The following RAB8B variants were observed in gnomAD, a reference collection of about 807,000 sequenced individuals.
The protein encoded by RAB8B is ras-related protein Rab-8B.
RAB8B carries 11 observed loss-of-function variants against 32.0 expected under a neutral mutation model. The ratio of observed to expected loss-of-function variants is 0.34; its 90% CI spans 0.22 to 0.57. RAB8B has a LOEUF of 0.57. RAB8B is among the 20% of genes least tolerant of loss of function. RAB8B has a pLI of 0.86. For missense variants in RAB8B, 190 were observed against 258.5 expected, an observed-to-expected ratio of 0.73 and a Z score of 1.82; for synonymous variants, 103 against 89.6, an observed-to-expected ratio of 1.15 and a Z score of -0.85.
In RAB8B at chr15:63,259,586, G is replaced by A; in HGVS notation, c.415-41G>A. The A allele has an allele frequency of 1.3e-6, 2 of 1,542,224 alleles. No homozygotes were observed. Among genetic ancestry groups the A allele is most frequent in the South Asian group, 1.1e-5 (1 of 89,300 alleles). ...AAATACAAATGCATTATGTGTTCAA[G>A]TATCTTTTGCTAAATTTAAATATTT... is the stretch of plus-strand genomic sequence containing the variant. On this transcript the variant is annotated intron_variant, in intron 5 of 7. Transcript: ENST00000321437. The surrounding 1 kb of genome is among the most constrained non-coding windows in gnomAD (Gnocchi z 4.4).
At chr15:63,211,343 T>A (rs182627467) in intron 1 of RAB8B, among the ~76,000 whole-genome samples, 5 of 152,316 alleles carry the variant, frequency 3.3e-5, no homozygotes, top group Non-Finnish European at 7.4e-5. Flanking sequence ...TGTCCCTTTC[T>A]GAGTTGGGAG....
intron 1 of RAB8B, among the ~76,000 whole-genome samples, chr15:63,239,033 T>A (rs1242233989): frequency 6.6e-6 from 1 of 152,086 alleles, no homozygotes; most frequent in Non-Finnish European, 1.5e-5. Flanking sequence ...AGTGTGAAAT[T>A]GATACTCCCT....
rs561440962 is a variant in RAB8B, at chr15:63,246,471, A to G, written c.185+1655A>G. On this transcript the variant is annotated intron_variant, in intron 2 of 7. Transcript: ENST00000321437. ...GGAAACACTTTATTTATGTTTACCC[A>G]TTTATTATAAAGGATATTGCAAAGA... Among the ~76,000 whole-genome samples the G allele has an allele frequency of 3.6e-4, 55 of 151,726 alleles. No homozygotes were observed. In the South Asian group the frequency reaches 0.011, roughly 31 times the overall value.
At chr15:63,254,323 C>A (rs2038142706) in intron 3 of RAB8B, among the ~76,000 whole-genome samples, 1 of 152,140 alleles carries the variant, frequency 6.6e-6, no homozygotes, top group Non-Finnish European at 1.5e-5. Flanking sequence ...AGCATATGAG[C>A]TCCCCATGCA....
Position 63,259,824 on chromosome 15 carries a change from C to T in RAB8B, c.480+132C>T. The T allele has an allele frequency of 1.4e-6, 1 of 738,778 alleles. No homozygotes were observed. The highest frequency in any genetic ancestry group is 1.8e-5 in the South Asian group (1 of 55,372). The allele number at this position is 738,778 out of a possible 1,614,324, so 45.8% of individuals were successfully genotyped here. ...TTTGTTGACCCAACTCTACTTTGTA[C>T]ACTTTTGTGCTTCTGATTTTTTTTT... On this transcript the variant is annotated intron_variant, in intron 6 of 7. Transcript: ENST00000321437. The surrounding 1 kb of genome is among the most constrained non-coding windows in gnomAD (Gnocchi z 4.4).
At chr15:63,196,718 A>T (rs2037602814) in intron 1 of RAB8B, among the ~76,000 whole-genome samples, 1 of 152,250 alleles carries the variant, frequency 6.6e-6, no homozygotes, top group South Asian at 2.1e-4. Context: ...ATTAGATGAT[A>T]TTTGAGTTAA....
intron 6 of RAB8B, among the ~76,000 whole-genome samples, chr15:63,261,210 A>T (rs899522167): frequency 6.6e-6 from 1 of 152,234 alleles, no homozygotes; most frequent in South Asian, 2.1e-4. Flanking sequence ...TGCATATCAA[A>T]AGTACAGTGA....
intron 6 of RAB8B, 50 bp from the exon 7 acceptor site, chr15:63,262,642 C>T (rs915994594): frequency 4.7e-5 from 23 of 489,686 alleles, no homozygotes; most frequent in Admixed American, 2.0e-4. Context: ...TATATATATA[C>T]ATATATATAG....
chr15:63,227,086 G>A (rs763016109), intron 1 of RAB8B, among the ~76,000 whole-genome samples: 22 of 152,144 alleles, frequency 1.4e-4, no homozygotes, highest in Non-Finnish European at 2.8e-4. Context: ...AGGGCAAACT[G>A]TTTTATCAGC....
intron 1 of RAB8B, among the ~76,000 whole-genome samples, chr15:63,236,576 T>C (rs1455754602): frequency 1.3e-5 from 2 of 152,124 alleles, no homozygotes; most frequent in African/African-American, 4.8e-5. Context: ...CAAAAAATGA[T>C]GTTCTCAAAA....
At chr15:63,261,281 G>A (rs1220077319) in intron 6 of RAB8B, among the ~76,000 whole-genome samples, 1 of 152,098 alleles carries the variant, frequency 6.6e-6, no homozygotes, top group Admixed American at 6.5e-5. Context: ...AACAAATGCT[G>A]GAAAGGATGT....
chr15:63,248,633 C>G lies in RAB8B; in HGVS notation c.186-1012C>G, dbSNP rs1005976613. 1.3e-5 allele frequency among the ~76,000 whole-genome samples: 2 copies of G among 152,214 alleles called. No homozygotes were observed. The highest frequency in any genetic ancestry group is 4.8e-5 in the African/African-American group (2 of 41,464). The stretch of plus-strand genomic sequence containing the variant: ...CAGAACTTGGATGCTGGTAACACCC[C>G]CAGCCAGTAGCCCACCCTAATGGGC... On this transcript the variant is annotated intron_variant, in intron 2 of 7. Coordinates refer to ENST00000321437, the MANE Select transcript of RAB8B (RefSeq NM_016530.3). The surrounding 1 kb of genome is among the most constrained non-coding windows in gnomAD (Gnocchi z 4.4).
At chr15:63,204,565 C>T (rs1218725775) in intron 1 of RAB8B, among the ~76,000 whole-genome samples, 1 of 152,148 alleles carries the variant, frequency 6.6e-6, no homozygotes, top group African/African-American at 2.4e-5. Context: ...AGTGAAATCT[C>T]CTGAATTTTA....
At chr15:63,246,086 T>G (rs1348647003) in intron 2 of RAB8B, among the ~76,000 whole-genome samples, 1 of 152,206 alleles carries the variant, frequency 6.6e-6, no homozygotes, top group African/African-American at 2.4e-5. Context: ...GTTAGCCAGC[T>G]GGTCTTGAAC....
rs561925538 is a variant in RAB8B, at chr15:63,192,549, G to A, written c.124+2801G>A. 9.8e-5 allele frequency among the ~76,000 whole-genome samples: 15 copies of A among 152,310 alleles called. No individual in the cohort carries two copies. The East Asian group carries it at 2.9e-3, about 29-fold the overall frequency. On this transcript the variant is annotated intron_variant, in intron 1 of 7. Coordinates refer to ENST00000321437, the MANE Select transcript of RAB8B (RefSeq NM_016530.3). ...AAGCTCTGTGTCATACGGAAAAGAT[G>A]TATTTCTCAACGCCTGGGGTTTGTG...
At chr15:63,197,613 A>G (rs180964110) in intron 1 of RAB8B, among the ~76,000 whole-genome samples, 3 of 151,840 alleles carry the variant, frequency 2.0e-5, no homozygotes, top group Admixed American at 2.0e-4. Context: ...AGCTCAAGTA[A>G]TCTGTCTGCC....
chr15:63,243,597 A>G (rs2038049068), intron 1 of RAB8B, among the ~76,000 whole-genome samples: 1 of 152,074 alleles, frequency 6.6e-6, no homozygotes, highest in South Asian at 2.1e-4. Flanking sequence ...GAAAGCCAAA[A>G]CTTTTGGCTT....
At chr15:63,241,524 C>T (rs2038031813) in intron 1 of RAB8B, among the ~76,000 whole-genome samples, 1 of 152,118 alleles carries the variant, frequency 6.6e-6, no homozygotes, top group South Asian at 2.1e-4. Context: ...AGTAGTTTTA[C>T]AAGCCTGTTC....
intron 1 of RAB8B, among the ~76,000 whole-genome samples, chr15:63,195,782 G>C (rs950521865): frequency 1.3e-5 from 2 of 152,242 alleles, no homozygotes; most frequent in African/African-American, 4.8e-5. Flanking sequence ...CATAGCATGA[G>C]AAGAGGGTTG....
Sources: allele counts gnomAD v4.1 joint callset (sites outside exome capture counted in the v4.1 genomes callset), GRCh38; gene constraint gnomAD v4.1.1; non-coding constraint Gnocchi (gnomAD v3.1); transcripts MANE v1.5; gene names NCBI Gene and HGNC (gene_info 2026-07-23, HGNC 2026-07-21).